EYA1: variants seen among roughly 807,000 people sequenced by gnomAD.
The protein encoded by EYA1 is protein phosphatase EYA1.
Under a neutral mutation model 82.0 loss-of-function variants are expected in EYA1, and 16 were observed. The observed-to-expected ratio is 0.20, with a 90% CI of 0.13 to 0.30. The LOEUF is 0.30. EYA1 is among the 10% of genes least tolerant of loss of function. EYA1 has a pLI of 1.00. For missense variants in EYA1, 633 were observed against 730.7 expected, an observed-to-expected ratio of 0.87 and a Z score of 1.54; for synonymous variants, 261 against 264.4, an observed-to-expected ratio of 0.99 and a Z score of 0.12.
At chr8:71,455,452 CA>C (rs1228635481) in intron 2 of EYA1, among the ~76,000 whole-genome samples, 2 of 151,974 alleles carry the variant, frequency 1.3e-5, no homozygotes, top group East Asian at 1.9e-4. Flanking sequence ...AGAGACACAA[CA>C]AAAAAAGAGA....
chr8:71,523,219 T>C (rs1371579947), intron 2 of EYA1, among the ~76,000 whole-genome samples: 2 of 141,554 alleles, frequency 1.4e-5, no homozygotes, highest in Non-Finnish European at 3.0e-5. Context: ...CGCTTTGTCA[T>C]CCAGGCTGGA....
chr8:71,385,499 G>T (rs1442168186), intron 2 of EYA1, among the ~76,000 whole-genome samples: 1 of 152,080 alleles, frequency 6.6e-6, no homozygotes, highest in Admixed American at 6.6e-5. Flanking sequence ...ACTGTCTATT[G>T]ACTATATAGC....
At chr8:71,255,798 A>T (rs888407674) in intron 11 of EYA1, among the ~76,000 whole-genome samples, 4 of 152,192 alleles carry the variant, frequency 2.6e-5, no homozygotes, top group Non-Finnish European at 5.9e-5. Context: ...ACGGAATGGG[A>T]GAAAATATTT....
intron 2 of EYA1, among the ~76,000 whole-genome samples, chr8:71,467,445 T>G (rs1439245534): frequency 6.6e-6 from 1 of 152,128 alleles, no homozygotes; most frequent in Non-Finnish European, 1.5e-5. Flanking sequence ...AAATTACTAG[T>G]ACCTGGGAAA....
At chr8:71,210,838 A>C (rs962519705) in intron 17 of EYA1, among the ~76,000 whole-genome samples, 1 of 152,238 alleles carries the variant, frequency 6.6e-6, no homozygotes, top group African/African-American at 2.4e-5. Flanking sequence ...CATGTCTGCC[A>C]TGGGTACAGA....
chr8:71,329,156 T>C (rs767420427), intron 4 of EYA1, among the ~76,000 whole-genome samples: 12 of 152,202 alleles, frequency 7.9e-5, no homozygotes, highest in Non-Finnish European at 1.6e-4. Context: ...ATATCATTTC[T>C]GTCTAGAATT....
At chr8:71,382,404 G>A (rs1828754797) in intron 2 of EYA1, among the ~76,000 whole-genome samples, 1 of 151,960 alleles carries the variant, frequency 6.6e-6, no homozygotes, top group Non-Finnish European at 1.5e-5. Context: ...AATAAAAAGA[G>A]CAAATATCCT....
intron 2 of EYA1, among the ~76,000 whole-genome samples, chr8:71,447,551 T>C (rs1806990270): frequency 6.6e-6 from 1 of 152,228 alleles, no homozygotes; most frequent in Non-Finnish European, 1.5e-5. Flanking sequence ...TATCTAATTA[T>C]ATTGATTTAA....
At chr8:71,264,437 T>G (rs1815522661) in intron 11 of EYA1, among the ~76,000 whole-genome samples, 1 of 152,194 alleles carries the variant, frequency 6.6e-6, no homozygotes, top group African/African-American at 2.4e-5. Context: ...TGAGATCCTC[T>G]TAGAAGCCTA....
At chr8:71,224,247 T>G (rs1288496494) in intron 12 of EYA1, among the ~76,000 whole-genome samples, 1 of 152,238 alleles carries the variant, frequency 6.6e-6, no homozygotes, top group Non-Finnish European at 1.5e-5. Context: ...GGCTATAGTA[T>G]GCTCCATGTT....
chr8:71,374,629 C>A (rs1828263682), intron 2 of EYA1, among the ~76,000 whole-genome samples: 1 of 152,266 alleles, frequency 6.6e-6, no homozygotes, highest in African/African-American at 2.4e-5. Flanking sequence ...TGTCGTATGA[C>A]TTAGCAATCC....
intron 2 of EYA1, among the ~76,000 whole-genome samples, chr8:71,465,830 G>A (rs1808732959): frequency 6.6e-6 from 1 of 152,038 alleles, no homozygotes. Flanking sequence ...ATCAGAAAAG[G>A]CAAGGCAAAA....
At chr8:71,299,590 T>C in intron 8 of EYA1, 48 bp downstream of exon 8, 1 of 1,013,414 alleles carries the variant, frequency 9.9e-7, no homozygotes, top group Non-Finnish European at 1.6e-6. Flanking sequence ...GAAAATCATG[T>C]TGCATTTAAA....
chr8:71,327,853 CTTTT>C (rs71555578), intron 4 of EYA1, among the ~76,000 whole-genome samples: 1 of 110,194 alleles, frequency 9.1e-6, no homozygotes. Flanking sequence ...TCTTTAAGTT[CTTTT>C]TTTTTTTTTT....
intron 2 of EYA1, among the ~76,000 whole-genome samples, chr8:71,392,804 T>A (rs1829354744): frequency 6.6e-6 from 1 of 152,206 alleles, no homozygotes. Context: ...ATCTCTTTTT[T>A]TAAATCATAA....
intron 2 of EYA1, among the ~76,000 whole-genome samples, chr8:71,369,873 A>G (rs1586568997): frequency 6.6e-6 from 1 of 152,162 alleles, no homozygotes; most frequent in Admixed American, 6.5e-5. Context: ...CTAGGGCATT[A>G]TCATTATAGG....
At chr8:71,439,672 G>C (rs1193113320) in intron 2 of EYA1, among the ~76,000 whole-genome samples, 1 of 152,158 alleles carries the variant, frequency 6.6e-6, no homozygotes, top group Admixed American at 6.6e-5. Context: ...TTAATGGTCT[G>C]GGTCAATCCT....
At chr8:71,493,805 C>A (rs1452891398) in intron 2 of EYA1, among the ~76,000 whole-genome samples, 1 of 150,392 alleles carries the variant, frequency 6.6e-6, no homozygotes, top group East Asian at 1.9e-4. Context: ...GGGCGGATCA[C>A]GAGGTCAGGA....
At chr8:71,362,153 T>C (rs926940392), upstream of EYA1, 1 of 924,500 alleles carries the variant, frequency 1.1e-6, no homozygotes, top group South Asian at 5.3e-5. Context: ...CCTCGGGGCT[T>C]TCTTTTTTTT....
Sources: gnomAD v4.1 joint callset for allele counts (sites outside exome capture counted in the v4.1 genomes callset) on GRCh38, gnomAD v4.1.1 for gene constraint, MANE v1.5 for transcripts, NCBI Gene and HGNC (gene_info 2026-07-23, HGNC 2026-07-21) for gene names.